URB1: variants seen among roughly 807,000 people sequenced by gnomAD.
URB1 encodes nucleolar pre-ribosomal-associated protein 1.
In URB1, 197 loss-of-function variants were observed where a neutral mutation model predicts 242.3. The ratio of observed to expected loss-of-function variants is 0.81; its 90% CI spans 0.72 to 0.91. The LOEUF (loss-of-function observed/expected upper bound fraction) is 0.91. Among genes scored for constraint, URB1 ranks in the 40% least tolerant of loss-of-function variants. The pLI, the probability that URB1 is intolerant of heterozygous loss-of-function variation, is 0.00. For synonymous variants in URB1, 1,153 were observed against 1,201.8 expected, an observed-to-expected ratio of 0.96 and a Z score of 0.84; for missense variants, 2,721 against 2,860.5, an observed-to-expected ratio of 0.95 and a Z score of 1.11.
chr21:32,349,174 G>T (rs1168474959), intron 21 of URB1, 130 bp downstream of exon 21: 4 of 1,259,934 alleles, frequency 3.2e-6, no homozygotes, highest in Non-Finnish European at 3.2e-6. Context: ...AAGTTTTTAT[G>T]ATCTCTGCTG....
At chr21:32,356,465 A>ATTTT (rs2033222190) in intron 15 of URB1, among the ~76,000 whole-genome samples, 1 of 152,186 alleles carries the variant, frequency 6.6e-6, no homozygotes. Flanking sequence ...CTAAATAAAA[A>ATTTT]GAAGGGAAAA....
rs150622848 is a variant in URB1, at chr21:32,349,326, G to C, written c.2990C>G (p.Ser997Trp). The C allele has an allele frequency of 1.5e-5, 23 of 1,546,978 alleles. No homozygotes were observed. The East Asian group carries it at 5.1e-4, about 35-fold the overall frequency. ...DLFLDMESVA[S>W]LELANDQTLE... ...TACCTGATCATTGGCCAACTCCAGC[G>C]AGGCCACGGACTCCATGTCCAGGAA... Residue 997 changes from serine (S) to tryptophan (W), a missense_variant, in exon 21 of 39, where the codon TCG becomes TGG. By Grantham distance (177) the Ser-to-Trp change is radical. Coordinates refer to ENST00000382751, the MANE Select transcript of URB1 (RefSeq NM_014825.3).
intron 10 of URB1, among the ~76,000 whole-genome samples, chr21:32,364,301 G>T (rs1038318447): frequency 2.6e-5 from 4 of 151,990 alleles, no homozygotes; most frequent in Admixed American, 6.6e-5. Context: ...GGCATCTCCC[G>T]GAGCTCAGGA....
intron 18 of URB1, 127 bp downstream of exon 18, chr21:32,353,804 TGG>T: frequency 8.8e-7 from 1 of 1,141,042 alleles, no homozygotes; most frequent in Non-Finnish European, 1.2e-6. Context: ...GCTATCACTC[TGG>T]GGGTTCTGAC....
intron 32 of URB1, 54 bp from the exon 33 acceptor site, chr21:32,322,638 G>T: frequency 1.5e-6 from 2 of 1,350,284 alleles, no homozygotes; most frequent in Non-Finnish European, 1.0e-6. Context: ...GACGCCCCCT[G>T]GTCTGGCAGC....
chr21:32,329,267 T>C (rs1341434836), intron 30 of URB1, among the ~76,000 whole-genome samples: 1 of 151,490 alleles, frequency 6.6e-6, no homozygotes, highest in Admixed American at 6.6e-5. Context: ...CCCTGACTCT[T>C]AAAAAAAAAT....
chr21:32,380,520 C>A (rs1454269225), intron 4 of URB1, among the ~76,000 whole-genome samples: 1 of 152,166 alleles, frequency 6.6e-6, no homozygotes, highest in Non-Finnish European at 1.5e-5. Flanking sequence ...CTTAACCCAC[C>A]AATTCAGTTT....
At position 32,312,395 on chromosome 21, in the gene URB1, G is replaced by T. The variant is rs1186600334; in HGVS notation, c.*2523C>A. On this transcript the variant is annotated 3_prime_UTR_variant, in exon 39 of 39. Coordinates refer to ENST00000382751, the MANE Select transcript of URB1 (RefSeq NM_014825.3). ...TTCTGTACCTTTGTTAGGATGCTGGGTAAGTTCCCATCCAAGCTCCACTAA... is the reference window on the plus strand; with the variant it reads ...TTCTGTACCTTTGTTAGGATGCTGGTTAAGTTCCCATCCAAGCTCCACTAA... 9.5e-7 allele frequency: 1 copy of T among 1,054,800 alleles called. No homozygotes were observed. The highest frequency in any genetic ancestry group is 1.2e-6 in the Non-Finnish European group (1 of 835,918). The allele number at this position is 1,054,800 out of a possible 1,614,324, so 65.3% of individuals were successfully genotyped here. A position where few individuals can be genotyped will look rare whatever the true frequency, so the allele number is the denominator to read the frequency against.
intron 10 of URB1, among the ~76,000 whole-genome samples, chr21:32,366,344 G>A (rs2033346222): frequency 6.6e-6 from 1 of 152,208 alleles, no homozygotes; most frequent in African/African-American, 2.4e-5. Context: ...TTGGAGGGAT[G>A]CAGGGGTCCC....
Position 32,349,502 on chromosome 21 carries a change from G to C in URB1, c.2833-19C>G. Reference sequence around the variant, plus strand: ...TGCCCAGCTGTGAGGACAAGAGCACGAGCCTCAGCAGGGAAGAGACGGGTT... The same window carrying C: ...TGCCCAGCTGTGAGGACAAGAGCACCAGCCTCAGCAGGGAAGAGACGGGTT... On this transcript the variant is annotated intron_variant, in intron 20 of 38. Coordinates refer to ENST00000382751, the MANE Select transcript of URB1 (RefSeq NM_014825.3). 6.5e-7 allele frequency: 1 copy of C among 1,530,550 alleles called. No homozygotes were observed. Among genetic ancestry groups the C allele is most frequent in the African/African-American group, 1.4e-5 (1 of 72,386 alleles). 94.8% of individuals were successfully genotyped at this position (1,530,550 alleles called of 1,614,324 possible). A position where few individuals can be genotyped will look rare whatever the true frequency, so the allele number is the denominator to read the frequency against.
intron 32 of URB1, among the ~76,000 whole-genome samples, chr21:32,324,175 C>A (rs971104012): frequency 2.0e-5 from 3 of 152,216 alleles, no homozygotes; most frequent in African/African-American, 7.2e-5. Flanking sequence ...ACCACAGTTT[C>A]CTATAACTAC....
At chr21:32,329,423 C>T (rs140334925) in intron 30 of URB1, among the ~76,000 whole-genome samples, 4 of 152,314 alleles carry the variant, frequency 2.6e-5, no homozygotes, top group Admixed American at 1.3e-4. Context: ...GAGGAGCCTG[C>T]GTGCTCTGGT....
At position 32,333,435 on chromosome 21, in the gene URB1, T is replaced by A; in HGVS notation, c.4858-16A>T. 6.5e-7 allele frequency: 1 copy of A among 1,544,138 alleles called. No homozygotes were observed. The highest frequency in any genetic ancestry group is 1.2e-5 in the South Asian group (1 of 83,262). ...CCTGTGTGTCCTGAAAGAGCCAAAA[T>A]CAACAAAAACGTGTGATTCAACCTC... On this transcript the variant is annotated splice_polypyrimidine_tract_variant and intron_variant, in intron 29 of 38. Coordinates refer to ENST00000382751, the MANE Select transcript of URB1 (RefSeq NM_014825.3).
In URB1 at chr21:32,324,588, C is replaced by T. The variant is rs1051466062; in HGVS notation, c.5136G>A (p.Leu1712=). Residue 1712 remains leucine (L), a synonymous_variant, in exon 32 of 39, where the codon TTG becomes TTA. Transcript: ENST00000382751. ...TTCGAATCCCATTCCGGACTACATC[C>T]AACAGGTAAAGTAGCTTGAAAACAG... is the stretch of plus-strand genomic sequence containing the variant. ...FQEQSQLLYL[L]DVVRNGIRTQ... 7 of 1,551,360 alleles carry T rather than the reference C, an allele frequency of 4.5e-6. No individual in the cohort carries two copies. In the African/African-American group the frequency reaches 6.8e-5, roughly 15 times the overall value.
At chr21:32,333,935 T>C (rs997408563) in intron 29 of URB1, among the ~76,000 whole-genome samples, 11 of 152,306 alleles carry the variant, frequency 7.2e-5, no homozygotes, top group African/African-American at 2.4e-4. Context: ...ATAATCTCCT[T>C]GGGGGCAGGG....
intron 31 of URB1, among the ~76,000 whole-genome samples, chr21:32,324,889 A>T (rs1685474913): frequency 6.6e-6 from 1 of 152,224 alleles, no homozygotes; most frequent in African/African-American, 2.4e-5. Context: ...CATGGGGTAC[A>T]GGTTTCTAAG....
chr21:32,368,265 G>A (rs1295312875), intron 9 of URB1, 138 bp downstream of exon 9: 5 of 531,654 alleles, frequency 9.4e-6, no homozygotes, highest in Non-Finnish European at 1.4e-5. Flanking sequence ...GACAGGTTTC[G>A]TCACGTTGGC....
chr21:32,365,234 C>T (rs1365535611), intron 10 of URB1, among the ~76,000 whole-genome samples: 1 of 152,132 alleles, frequency 6.6e-6, no homozygotes, highest in Non-Finnish European at 1.5e-5. Flanking sequence ...TGCATGAGGC[C>T]AGGAGTTTGA....
At chr21:32,343,759 A>G (rs927953548) in intron 24 of URB1, among the ~76,000 whole-genome samples, 2 of 152,196 alleles carry the variant, frequency 1.3e-5, no homozygotes, top group African/African-American at 4.8e-5. Flanking sequence ...TAATGGCCAA[A>G]TATCTCTAAA....
Sources: gnomAD v4.1 joint callset for allele counts (sites outside exome capture counted in the v4.1 genomes callset) on GRCh38, gnomAD v4.1.1 for gene constraint, MANE v1.5 for transcripts, NCBI Gene and HGNC (gene_info 2026-07-23, HGNC 2026-07-21) for gene names.